Variants in KDM6A observed in about 807,000 individuals in gnomAD.
The protein encoded by KDM6A is lysine-specific demethylase 6A.
In KDM6A, 11 loss-of-function variants were observed where a neutral mutation model predicts 117.6. The observed-to-expected ratio is 0.09, with a 90% CI of 0.06 to 0.15. The LOEUF (loss-of-function observed/expected upper bound fraction) is 0.15. KDM6A is among the 10% of genes least tolerant of loss of function. KDM6A has a pLI of 1.00. For synonymous variants in KDM6A, 384 were observed against 396.1 expected, an observed-to-expected ratio of 0.97 and a Z score of 0.36; for missense variants, 799 against 1,077.3, an observed-to-expected ratio of 0.74 and a Z score of 3.62.
chrX:44,886,236 G>C (rs2032860658), intron 2 of KDM6A, among the ~76,000 whole-genome samples: 1 of 109,079 alleles, frequency 9.2e-6, no homozygotes, highest in Non-Finnish European at 1.9e-5. Context: ...TTTTTTAGTA[G>C]AGACGGTTTC....
At chrX:44,939,231 ATTC>A (rs2037152086) in intron 2 of KDM6A, among the ~76,000 whole-genome samples, 1 of 112,611 alleles carries the variant, frequency 8.9e-6, no homozygotes, top group Admixed American at 9.4e-5. Context: ...AGGATTCACC[ATTC>A]TTGATGCCAT....
At chrX:45,104,587 A>T (rs2046460642) in intron 27 of KDM6A, among the ~76,000 whole-genome samples, 1 of 111,617 alleles carries the variant, frequency 9.0e-6, no homozygotes, top group Admixed American at 9.6e-5. Flanking sequence ...CTTCAATTGA[A>T]TCACATTCTT....
intron 6 of KDM6A, among the ~76,000 whole-genome samples, chrX:45,022,443 G>A (rs1470651050): frequency 9.0e-6 from 1 of 111,319 alleles, no homozygotes; most frequent in Non-Finnish European, 1.9e-5. Context: ...GATATTTCTC[G>A]TCCCTAGAGT....
intron 2 of KDM6A, among the ~76,000 whole-genome samples, chrX:44,894,458 G>A (rs1217759481): frequency 9.1e-6 from 1 of 110,465 alleles, no homozygotes; most frequent in Non-Finnish European, 1.9e-5. Context: ...TTTCTTTTAA[G>A]TTGAATTTAT....
chrX:44,955,142 C>T (rs757617039), intron 2 of KDM6A, among the ~76,000 whole-genome samples: 24 of 111,889 alleles, frequency 2.1e-4, no homozygotes, highest in African/African-American at 7.1e-4. Flanking sequence ...AAGATTTCTT[C>T]TTCCTTCTTT....
intron 3 of KDM6A, 36 bp from the exon 4 acceptor site, chrX:44,974,630 A>C: frequency 3.1e-6 from 3 of 983,025 alleles, no homozygotes; most frequent in Non-Finnish European, 4.4e-6. Flanking sequence ...CTTTAAAGTG[A>C]GACATAATTA....
At chrX:44,890,642 CTTTTTTTTT>C (rs761568154) in intron 2 of KDM6A, among the ~76,000 whole-genome samples, 2 of 34,764 alleles carry the variant, frequency 5.8e-5, no homozygotes, top group African/African-American at 1.3e-4. Flanking sequence ...TGATGTTGAA[CTTTTTTTTT>C]TTTTTTTTTT....
At chrX:45,090,526 A>G (rs186194641) in intron 26 of KDM6A, among the ~76,000 whole-genome samples, 197 bp from the exon 27 acceptor site, 89 of 112,300 alleles carry the variant, frequency 7.9e-4, no homozygotes, top group African/African-American at 2.8e-3. Context: ...TGCTTGGCAC[A>G]TAGTCATAGG....
intron 2 of KDM6A, among the ~76,000 whole-genome samples, chrX:44,907,508 T>A (rs998430815): frequency 2.0e-5 from 2 of 100,807 alleles, no homozygotes; most frequent in Admixed American, 1.1e-4. Context: ...TGAGACAGCG[T>A]CTTGTTCTGT....
chrX:45,100,033 C>CA (rs757228456), intron 27 of KDM6A, among the ~76,000 whole-genome samples: 212 of 82,301 alleles, frequency 2.6e-3, no homozygotes, highest in East Asian at 3.4e-3. Flanking sequence ...GACTCTGTCT[C>CA]AAAAAAAAAA....
intron 4 of KDM6A, among the ~76,000 whole-genome samples, chrX:45,001,060 G>C (rs2041122438): frequency 8.9e-6 from 1 of 112,331 alleles, no homozygotes; most frequent in South Asian, 3.7e-4. Context: ...TAGCTATCTT[G>C]GTCTTGTCGT....
chrX:44,973,280 G>T (rs1170521553), intron 3 of KDM6A, among the ~76,000 whole-genome samples: 2 of 111,514 alleles, frequency 1.8e-5, no homozygotes, highest in South Asian at 7.6e-4. Context: ...CATAGCTGCT[G>T]TCCTGGGATC....
At chrX:44,950,518 T>C (rs1239641426) in intron 2 of KDM6A, among the ~76,000 whole-genome samples, 1 of 111,889 alleles carries the variant, frequency 8.9e-6, no homozygotes, top group African/African-American at 3.3e-5. Context: ...ACAAAAAAAT[T>C]TGGAAAATAA....
chrX:45,062,599 T>C (rs763534655), intron 15 of KDM6A, 48 bp from the exon 16 acceptor site: 5 of 962,499 alleles, frequency 5.2e-6, no homozygotes, highest in Non-Finnish European at 7.4e-6. Context: ...AATGATCTTA[T>C]TTCCTAAATA....
At chrX:44,960,591 C>T (rs767445070) in intron 2 of KDM6A, among the ~76,000 whole-genome samples, 3 of 111,571 alleles carry the variant, frequency 2.7e-5, no homozygotes, top group South Asian at 7.5e-4. Flanking sequence ...GGGTTCTTTC[C>T]GTTGTTCATT....
chrX:45,040,501 CCCCCCCA>C (rs2043066111), intron 8 of KDM6A, among the ~76,000 whole-genome samples: 1 of 71,681 alleles, frequency 1.4e-5, no homozygotes, highest in African/African-American at 5.4e-5. Flanking sequence ...GGGGGGCTGA[CCCCCCCA>C]CCTCCCTCCC....
At position 45,076,738 on chromosome X, in the gene KDM6A, T is replaced by C. The variant is rs199761905; in HGVS notation, c.2900T>C (p.Leu967Ser). The change falls in exon 19 of 30, where the codon TTG becomes TCG. Residue 967 changes from leucine to serine, a missense_variant. Leu to Ser is a moderately radical substitution (Grantham distance 145). Around this residue, in one of 8 missense-constraint regions of KDM6A, gnomAD observed 291 missense variants for 437.9 expected, o/e 0.66. Coordinates refer to ENST00000611820, the MANE Select transcript of KDM6A (RefSeq NM_001291415.2). ...GGCTTATCTAACAGTAGCATTTTGTTGGATAAATGTCCACCTCCAAGACCA... is the reference window on the plus strand; with the variant it reads ...GGCTTATCTAACAGTAGCATTTTGTCGGATAAATGTCCACCTCCAAGACCA... The part of the protein sequence containing the change: ...KNGLSNSSIL[L>S]DKCPPPRPPS... 227 of 1,181,827 alleles carry C rather than the reference T, an allele frequency of 1.9e-4. No homozygotes were observed. The highest frequency in any genetic ancestry group is 3.6e-5 in the Non-Finnish European group (31 of 872,576).
At chrX:45,107,086 TTAAC>T (rs1190850367) in intron 27 of KDM6A, 1 of 200,724 alleles carries the variant, frequency 5.0e-6, no homozygotes. Context: ...CCCAGAGAGG[TTAAC>T]TGACTTGCCC....
In KDM6A at chrX:45,051,692, CTT is replaced by C. The variant is rs758763063; in HGVS notation, c.655-13_655-12del. Reference sequence around the variant, plus strand: ...ATTATGTTAATTTTTCTCCAAATCTCTTTTTCTGTTCTTTAGAGGAAATATCA... The same window carrying C: ...ATTATGTTAATTTTTCTCCAAATCTCTTTCTGTTCTTTAGAGGAAATATCA... On this transcript the variant is annotated splice_polypyrimidine_tract_variant and intron_variant, in intron 8 of 29. Coordinates refer to ENST00000611820, the MANE Select transcript of KDM6A (RefSeq NM_001291415.2). The C allele has an allele frequency of 2.2e-4, 224 of 1,021,980 alleles. No individual in the cohort carries two copies. The highest frequency in any genetic ancestry group is 2.8e-4 in the Non-Finnish European group (204 of 730,125). 84.2% of individuals were successfully genotyped at this position (1,021,980 alleles called of 1,213,427 possible). A position where few individuals can be genotyped will look rare whatever the true frequency, so the allele number is the denominator to read the frequency against.
Sources: gnomAD v4.1 joint callset for allele counts (sites outside exome capture counted in the v4.1 genomes callset) on GRCh38, gnomAD v4.1.1 for gene constraint, gnomAD v4.1.1 regional missense constraint, MANE v1.5 for transcripts, NCBI Gene and HGNC (gene_info 2026-07-23, HGNC 2026-07-21) for gene names.